Variants in SLC24A4 observed in about 807,000 individuals in gnomAD.
SLC24A4 encodes solute carrier family 24 member 4, also known as sodium/potassium/calcium exchanger 4.
Under a neutral mutation model 79.0 loss-of-function variants are expected in SLC24A4, and 53 were observed. The ratio of observed to expected loss-of-function variants is 0.67; its 90% CI spans 0.54 to 0.84. SLC24A4 has a LOEUF of 0.84. SLC24A4 is among the 40% of genes least tolerant of loss of function. The probability of loss-of-function intolerance (pLI) is 0.00; values close to 1 mark genes in which losing one functional copy is unlikely to be tolerated. For missense variants in SLC24A4, 731 were observed against 822.0 expected, an observed-to-expected ratio of 0.89 and a Z score of 1.35; for synonymous variants, 323 against 323.8, an observed-to-expected ratio of 1.00 and a Z score of 0.03.
chr14:92,464,624 C>G (rs1166131728), intron 12 of SLC24A4, among the ~76,000 whole-genome samples: 3 of 152,180 alleles, frequency 2.0e-5, no homozygotes, highest in African/African-American at 7.2e-5. Flanking sequence ...GGTGGTCGGT[C>G]CAGCCTCACC....
At chr14:92,482,133 T>C (rs2182838) in intron 12 of SLC24A4, among the ~76,000 whole-genome samples, 138,482 of 152,296 alleles carry the variant, frequency 0.91, 63,943 homozygotes, top group Non-Finnish European at 0.99. Flanking sequence ...CACTCTGTCA[T>C]ATCATTCTTG....
intron 14 of SLC24A4, among the ~76,000 whole-genome samples, chr14:92,488,741 C>T (rs535146012): frequency 9.2e-5 from 14 of 152,336 alleles, no homozygotes; most frequent in South Asian, 2.1e-4. Flanking sequence ...CGATGTTCAG[C>T]GACATGAACT....
chr14:92,419,396 G>A (rs1456616077), intron 2 of SLC24A4, among the ~76,000 whole-genome samples: 1 of 152,214 alleles, frequency 6.6e-6, no homozygotes, highest in African/African-American at 2.4e-5. Context: ...GCACCATGCT[G>A]TAGCAGCTAC....
chr14:92,433,768 G>C (rs988266132), intron 2 of SLC24A4, 144 bp from the exon 3 acceptor site: 3 of 699,562 alleles, frequency 4.3e-6, no homozygotes. Flanking sequence ...TCTGCCCCTG[G>C]ACTGAGAAAT....
At chr14:92,468,653 G>A (rs1894255147) in intron 12 of SLC24A4, among the ~76,000 whole-genome samples, 1 of 152,032 alleles carries the variant, frequency 6.6e-6, no homozygotes, top group African/African-American at 2.4e-5. Context: ...ACTCACTAGG[G>A]GAAATAATAC....
At chr14:92,455,720 C>CT (rs71461968) in intron 11 of SLC24A4, among the ~76,000 whole-genome samples, 35,121 of 148,230 alleles carry the variant, frequency 0.24, 4,263 homozygotes, top group Non-Finnish European at 0.28. Context: ...TGTAAGTGTA[C>CT]TTTTTTTTTT....
At chr14:92,429,603 C>T (rs1380111160) in intron 2 of SLC24A4, among the ~76,000 whole-genome samples, 2 of 152,186 alleles carry the variant, frequency 1.3e-5, no homozygotes, top group Admixed American at 6.5e-5. Flanking sequence ...AGAGCGTGGC[C>T]TCTTGGCATG....
At chr14:92,448,038 CATT>C (rs1425066406) in intron 9 of SLC24A4, among the ~76,000 whole-genome samples, 1 of 152,140 alleles carries the variant, frequency 6.6e-6, no homozygotes, top group South Asian at 2.1e-4. Context: ...ACCTGGAAAA[CATT>C]ATGCTAAGTG....
chr14:92,408,358 G>C (rs1421250201), intron 2 of SLC24A4: 6 of 984,386 alleles, frequency 6.1e-6, no homozygotes, highest in Admixed American at 6.2e-5. Flanking sequence ...TTATTTACTT[G>C]ACCATCCCAG....
rs764481832 is a variant in SLC24A4, at chr14:92,323,803, C to T, written c.-28C>T. 7.0e-5 allele frequency: 108 copies of T among 1,544,712 alleles called. No homozygotes were observed. Among genetic ancestry groups the T allele is most frequent in the Non-Finnish European group, 9.1e-5 (105 of 1,151,764 alleles). On this transcript the variant is annotated 5_prime_UTR_variant, in exon 1 of 17. Transcript: ENST00000532405. This position sits in a 1 kb window ranked among gnomAD's most constrained non-coding sequence, Gnocchi z 4.9. ...TGGCCGCTGAAGCTCCCCATCCTCT[C>T]CCAGAGACGGCACCCAGGCGCTCCG...
At chr14:92,368,329 C>T (rs777865724) in intron 2 of SLC24A4, among the ~76,000 whole-genome samples, 1 of 152,164 alleles carries the variant, frequency 6.6e-6, no homozygotes, top group African/African-American at 2.4e-5. Context: ...GTTTATAAGA[C>T]GGGGGCTCCA....
intron 2 of SLC24A4, among the ~76,000 whole-genome samples, chr14:92,366,242 A>G (rs1436007818): frequency 6.6e-6 from 1 of 152,132 alleles, no homozygotes; most frequent in Non-Finnish European, 1.5e-5. Flanking sequence ...AGCCTCTGGG[A>G]AAATGGTGAG....
At chr14:92,330,424 A>C (rs928247776) in intron 2 of SLC24A4, among the ~76,000 whole-genome samples, 2 of 152,214 alleles carry the variant, frequency 1.3e-5, no homozygotes, top group Admixed American at 1.3e-4. Flanking sequence ...AGAGATCTGA[A>C]GGCAAAACAT....
chr14:92,346,475 G>T (rs1464623500), intron 2 of SLC24A4, among the ~76,000 whole-genome samples: 1 of 152,188 alleles, frequency 6.6e-6, no homozygotes, highest in African/African-American at 2.4e-5. Context: ...TGAGGTCAAG[G>T]ATGGAAGCAT....
intron 14 of SLC24A4, 136 bp downstream of exon 14, chr14:92,486,916 A>G (rs1039130763): frequency 2.7e-5 from 16 of 600,180 alleles, no homozygotes; most frequent in Admixed American, 9.1e-5. Context: ...AAAAACTGCG[A>G]CATCTAGAAA....
At chr14:92,474,470 A>G (rs181820010) in intron 12 of SLC24A4, among the ~76,000 whole-genome samples, 127 of 151,950 alleles carry the variant, frequency 8.4e-4, no homozygotes, top group African/African-American at 2.7e-3. Flanking sequence ...GCTCCATGCC[A>G]CATTTGTTTT....
intron 2 of SLC24A4, among the ~76,000 whole-genome samples, chr14:92,345,426 T>A (rs1224992361): frequency 6.6e-6 from 1 of 152,040 alleles, no homozygotes; most frequent in Non-Finnish European, 1.5e-5. Context: ...ACAGGCCAGG[T>A]GTAGTGGCTC....
intron 2 of SLC24A4, among the ~76,000 whole-genome samples, chr14:92,346,718 A>G (rs1490991703): frequency 6.6e-6 from 1 of 152,200 alleles, no homozygotes; most frequent in Non-Finnish European, 1.5e-5. Flanking sequence ...GCTGCTCATT[A>G]GGGTGACCTG....
intron 2 of SLC24A4, among the ~76,000 whole-genome samples, chr14:92,390,766 A>T (rs1889416909): frequency 6.6e-6 from 1 of 152,116 alleles, no homozygotes; most frequent in Admixed American, 6.5e-5. Flanking sequence ...GAACATTCCG[A>T]TTCCTATTTT....
Sources: gnomAD v4.1 joint callset for allele counts (sites outside exome capture counted in the v4.1 genomes callset) on GRCh38, gnomAD v4.1.1 for gene constraint, Gnocchi (gnomAD v3.1) non-coding constraint, MANE v1.5 for transcripts, NCBI Gene and HGNC (gene_info 2026-07-23, HGNC 2026-07-21) for gene names.